Variants in ARFGEF2 observed in about 807,000 individuals in gnomAD.
The protein encoded by ARFGEF2 is ARF guanine nucleotide exchange factor 2.
In ARFGEF2, 74 loss-of-function variants were observed where a neutral mutation model predicts 219.9. The ratio of observed to expected loss-of-function variants is 0.34; its 90% CI spans 0.28 to 0.41. The LOEUF (loss-of-function observed/expected upper bound fraction) is 0.41. Among genes scored for constraint, ARFGEF2 ranks in the 10% least tolerant of loss-of-function variants. The pLI, the probability that ARFGEF2 is intolerant of heterozygous loss-of-function variation, is 1.00. For synonymous variants in ARFGEF2, 733 were observed against 799.2 expected (o/e 0.92, Z 1.40); for missense variants, 1,743 against 2,218.3 (o/e 0.79, Z 4.30).
chr20:49,011,704 G>T (rs1241814669), intron 27 of ARFGEF2, among the ~76,000 whole-genome samples: 2 of 152,202 alleles, frequency 1.3e-5, no homozygotes, highest in African/African-American at 2.4e-5. Context: ...TTGCTTGAGC[G>T]CAGGAAGACT....
intron 11 of ARFGEF2, 68 bp from the exon 12 acceptor site, chr20:48,973,077 C>T (rs1321782395): frequency 1.3e-6 from 2 of 1,589,304 alleles, no homozygotes; most frequent in Non-Finnish European, 1.7e-6. Flanking sequence ...TGGCAAACAT[C>T]TTGTTTGATA....
At chr20:48,969,017 A>G (rs994461019) in intron 8 of ARFGEF2, 130 bp from the exon 9 acceptor site, 20 of 827,016 alleles carry the variant, frequency 2.4e-5, no homozygotes, top group Admixed American at 6.0e-5. Context: ...TTGGAGTGCA[A>G]TGGTGCCATC....
chr20:48,995,694 C>A, intron 22 of ARFGEF2, 89 bp from the exon 23 acceptor site: 1 of 1,099,574 alleles, frequency 9.1e-7, no homozygotes. Context: ...TTTATGTCCC[C>A]TGTCCCTGCG....
In ARFGEF2 at chr20:48,992,860, T is replaced by C. The variant is rs527958805; in HGVS notation, c.2974-1591T>C. Among the ~76,000 whole-genome samples the C allele has an allele frequency of 2.7e-4, 41 of 151,636 alleles. No individual in the cohort carries two copies. In the South Asian group the frequency reaches 4.6e-3, roughly 17 times the overall value. ...GAGTTCCAGACCAGCCTGGGCAACA[T>C]AGCAAGACCCCATATCTTTAAAAAA... is the stretch of plus-strand genomic sequence containing the variant. On this transcript the variant is annotated intron_variant, in intron 21 of 38. Transcript: ENST00000371917.
At chr20:48,972,979 C>G (rs1034995513) in intron 11 of ARFGEF2, among the ~76,000 whole-genome samples, 166 bp from the exon 12 acceptor site, 5 of 152,182 alleles carry the variant, frequency 3.3e-5, no homozygotes, top group African/African-American at 1.2e-4. Context: ...AAAACAACCT[C>G]CTGTCTTCCA....
chr20:48,994,791 T>G (rs2091376965), intron 22 of ARFGEF2, among the ~76,000 whole-genome samples, 193 bp downstream of exon 22: 1 of 152,196 alleles, frequency 6.6e-6, no homozygotes, highest in African/African-American at 2.4e-5. Context: ...AATGTCTATT[T>G]TACCAAAGTC....
At chr20:48,994,750 GC>G in intron 22 of ARFGEF2, 152 bp downstream of exon 22, 1 of 1,191,890 alleles carries the variant, frequency 8.4e-7, no homozygotes, top group Non-Finnish European at 1.2e-6. Context: ...TGCTGCTTTG[GC>G]CTCTTAATTG....
intron 1 of ARFGEF2, among the ~76,000 whole-genome samples, chr20:48,932,319 G>C (rs945850103): frequency 6.6e-6 from 1 of 152,154 alleles, no homozygotes; most frequent in African/African-American, 2.4e-5. Flanking sequence ...TAAAGAGGAC[G>C]GCAGCAGAAC....
chr20:49,003,002 C>G (rs1320510234), intron 25 of ARFGEF2, among the ~76,000 whole-genome samples: 1 of 120,608 alleles, frequency 8.3e-6, no homozygotes, highest in African/African-American at 3.2e-5. Context: ...GGATCTTGCT[C>G]TGTCACCCAG....
At chr20:48,938,147 T>C (rs964481352) in intron 1 of ARFGEF2, among the ~76,000 whole-genome samples, 1 of 152,216 alleles carries the variant, frequency 6.6e-6, no homozygotes, top group Non-Finnish European at 1.5e-5. Flanking sequence ...TTGATTTTCA[T>C]CTATAAAATT....
At position 49,011,905 on chromosome 20, in the gene ARFGEF2, G is replaced by A. The variant is rs769446905; in HGVS notation, c.3758-19G>A. 6.2e-7 allele frequency: 1 copy of A among 1,614,084 alleles called. No homozygotes were observed. Among genetic ancestry groups the A allele is most frequent in the East Asian group, 2.2e-5 (1 of 44,874 alleles). The stretch of plus-strand genomic sequence containing the variant: ...TCTAAATCCTGGTCTTATGAAAAAT[G>A]TGCCTTGTGTTCCCCCAGCAACTAT... On this transcript the variant is annotated intron_variant, in intron 27 of 38. Coordinates refer to ENST00000371917, the MANE Select transcript of ARFGEF2 (RefSeq NM_006420.3).
intron 1 of ARFGEF2, 110 bp downstream of exon 1, chr20:48,922,120 G>T: frequency 6.9e-7 from 1 of 1,458,198 alleles, no homozygotes. Context: ...CCCCGATCCC[G>T]AATTCCACCC....
intron 5 of ARFGEF2, 138 bp from the exon 6 acceptor site, chr20:48,953,418 C>T (rs2091084075): frequency 5.0e-6 from 4 of 798,154 alleles, no homozygotes; most frequent in South Asian, 4.3e-5. Context: ...TCAAGAATTC[C>T]TGCTGCCTCA....
intron 35 of ARFGEF2, 128 bp downstream of exon 35, chr20:49,023,309 A>G (rs1053954219): frequency 8.7e-6 from 11 of 1,268,306 alleles, no homozygotes; most frequent in Non-Finnish European, 1.1e-5. Context: ...CCAACCTCAC[A>G]TTCAGTGATG....
chr20:49,033,342 T>A lies in ARFGEF2; in HGVS notation c.*143T>A. ...GCCTGGAAACGGATGGCCTCTACGC[T>A]GTTCCATCACAGTCTCCAACTAAGG... On this transcript the variant is annotated 3_prime_UTR_variant, in exon 39 of 39. Transcript: ENST00000371917. 1.1e-6 allele frequency: 1 copy of A among 874,012 alleles called. No individual in the cohort carries two copies. Among genetic ancestry groups the A allele is most frequent in the South Asian group, 1.5e-5 (1 of 66,944 alleles). 54.1% of individuals were successfully genotyped at this position (874,012 alleles called of 1,614,324 possible).
intron 34 of ARFGEF2, among the ~76,000 whole-genome samples, chr20:49,021,307 T>G (rs537462181): frequency 7.8e-4 from 118 of 152,176 alleles, no homozygotes; most frequent in Non-Finnish European, 1.3e-3. Context: ...TTTCAAAAAC[T>G]TAAAGACAAC....
chr20:48,947,387 G>A (rs1247491790), intron 3 of ARFGEF2, among the ~76,000 whole-genome samples: 2 of 151,924 alleles, frequency 1.3e-5, no homozygotes, highest in Non-Finnish European at 2.9e-5. Context: ...GCAACAGAGT[G>A]AGACTCTGCC....
At chr20:48,980,140 C>T (rs2091286073) in intron 14 of ARFGEF2, among the ~76,000 whole-genome samples, 1 of 152,136 alleles carries the variant, frequency 6.6e-6, no homozygotes, top group East Asian at 1.9e-4. Flanking sequence ...TTTCCCTCTA[C>T]ACACTGCTTT....
chr20:48,984,636 T>C, intron 14 of ARFGEF2, 93 bp from the exon 15 acceptor site: 1 of 1,487,634 alleles, frequency 6.7e-7, no homozygotes, highest in South Asian at 1.1e-5. Flanking sequence ...GGCATGTTCA[T>C]AGTATTCTAT....
Sources: allele counts gnomAD v4.1 joint callset (sites outside exome capture counted in the v4.1 genomes callset), GRCh38; gene constraint gnomAD v4.1.1; transcripts MANE v1.5; gene names NCBI Gene and HGNC (gene_info 2026-07-23, HGNC 2026-07-21).